Variants in FRY observed in about 807,000 individuals in gnomAD.
The protein encoded by FRY is protein furry homolog.
Under a neutral mutation model 348.4 loss-of-function variants are expected in FRY, and 128 were observed. That is an observed-to-expected ratio of 0.37 (90% CI 0.32 to 0.43). The LOEUF is 0.43. Ranked by LOEUF, FRY falls within the 20% of genes least tolerant of loss-of-function variation. The pLI is 1.00. For synonymous variants in FRY, 1,370 were observed against 1,374.7 expected (o/e 1.00, Z 0.08); for missense variants, 2,736 against 3,695.2 (o/e 0.74, Z 6.73).
intron 3 of FRY, among the ~76,000 whole-genome samples, chr13:32,103,868 G>C (rs1212847186): frequency 6.6e-6 from 1 of 152,092 alleles, no homozygotes; most frequent in African/African-American, 2.4e-5. Flanking sequence ...TCAGGATGCT[G>C]AGGTGGGAGG....
chr13:32,185,231 C>G, intron 26 of FRY, 83 bp downstream of exon 26: 1 of 1,219,418 alleles, frequency 8.2e-7, no homozygotes, highest in Non-Finnish European at 1.2e-6. Context: ...CGTCTTTAAC[C>G]CTACTGGCCT....
intron 28 of FRY, among the ~76,000 whole-genome samples, chr13:32,191,670 AT>A (rs1194659319): frequency 2.0e-5 from 3 of 152,162 alleles, no homozygotes; most frequent in African/African-American, 7.2e-5. Context: ...GTGCTGGCAG[AT>A]TTATGTCTGG....
chr13:32,234,154 G>T (rs1223009302), intron 41 of FRY, among the ~76,000 whole-genome samples: 1 of 149,064 alleles, frequency 6.7e-6, no homozygotes, highest in Non-Finnish European at 1.5e-5. Flanking sequence ...TGATGTGGTG[G>T]CTCATGCTTG....
At chr13:32,182,092 A>G (rs1882751504) in intron 23 of FRY, among the ~76,000 whole-genome samples, 2 of 152,200 alleles carry the variant, frequency 1.3e-5, no homozygotes, top group African/African-American at 4.8e-5. Context: ...GTGATGTTTA[A>G]TAGAACAAAA....
chr13:32,129,736 C>CT, intron 7 of FRY, among the ~76,000 whole-genome samples: 1 of 152,230 alleles, frequency 6.6e-6, no homozygotes, highest in East Asian at 1.9e-4. Context: ...TTTTAAAAAT[C>CT]TTTTTTATTA....
Position 32,296,613 on chromosome 13 carries a change from T to TAA in FRY, c.*1167_*1168dup, listed in dbSNP as rs34492846. 8.2e-4 allele frequency: 118 copies of TAA among 144,206 alleles called. 1 individual carries two copies. The highest frequency in any genetic ancestry group is 2.2e-3 in the East Asian group (11 of 4,996). 8.9% of individuals were successfully genotyped at this position (144,206 alleles called of 1,614,324 possible). ...ATTCTGTTCAGAACTTTCTTTAGAC[T>TAA]AAAAAAAAAAAAAAAGACAAAATAC... On this transcript the variant is annotated 3_prime_UTR_variant, in exon 61 of 61. Transcript: ENST00000542859.
Position 32,225,913 on chromosome 13 carries a change from G to A in FRY, c.5145G>A (p.Glu1715=). 1 of 1,614,170 alleles carries A rather than the reference G, an allele frequency of 6.2e-7. No individual in the cohort carries two copies. The highest frequency in any genetic ancestry group is 8.5e-7 in the Non-Finnish European group (1 of 1,179,994). The change falls in exon 39 of 61, where the codon GAG becomes GAA. Residue 1715 remains glutamate, a synonymous_variant. Transcript: ENST00000542859. ...SIASVLLQTR[E]MGEAKTLTVQ... is the part of the protein sequence containing the mutation. Reference sequence around the variant, plus strand: ...CTTCCGTGCTCCTGCAGACCCGAGAGATGGGTGAAGCTAAGACTCTAACCG... The same window carrying A: ...CTTCCGTGCTCCTGCAGACCCGAGAAATGGGTGAAGCTAAGACTCTAACCG...
At position 32,295,908 on chromosome 13, in the gene FRY, TCTTTTTC is replaced by T. The variant is rs1295512764; in HGVS notation, c.*453_*459del. Reference sequence around the variant, plus strand: ...CCATTTTCTTTTCTTTTTTCTTTTTTCTTTTTCCTTTCTTTCGTGGGCTGAGAAAGGG... The same window carrying T: ...CCATTTTCTTTTCTTTTTTCTTTTTTCTTTCTTTCGTGGGCTGAGAAAGGG... On this transcript the variant is annotated 3_prime_UTR_variant, in exon 61 of 61. Coordinates refer to ENST00000542859, the MANE Select transcript of FRY (RefSeq NM_023037.3). 5 of 172,638 alleles carry T rather than the reference TCTTTTTC, an allele frequency of 2.9e-5. No homozygotes were observed. The highest frequency in any genetic ancestry group is 6.3e-5 in the Non-Finnish European group (5 of 79,450). The allele number at this position is 172,638 out of a possible 1,614,324, so 10.7% of individuals were successfully genotyped here. A position where few individuals can be genotyped will look rare whatever the true frequency, so the allele number is the denominator to read the frequency against.
intron 8 of FRY, among the ~76,000 whole-genome samples, chr13:32,133,055 T>TGCA (rs1377528918): frequency 5.9e-5 from 9 of 152,182 alleles, no homozygotes; most frequent in Non-Finnish European, 8.8e-5. Flanking sequence ...ATAGGGAGGT[T>TGCA]GCAGATGGCT....
chr13:32,249,731 C>T, intron 49 of FRY, 44 bp downstream of exon 49: 11 of 1,567,760 alleles, frequency 7.0e-6, no homozygotes, highest in Non-Finnish European at 8.8e-6. Flanking sequence ...AGTTTAGGGA[C>T]CTGTTGAGTC....
chr13:32,147,351 C>A lies in FRY; in HGVS notation c.1249C>A (p.Arg417=), dbSNP rs1229819218. 1.2e-6 allele frequency: 2 copies of A among 1,610,210 alleles called. No individual in the cohort carries two copies. Among genetic ancestry groups the A allele is most frequent in the Non-Finnish European group, 8.5e-7 (1 of 1,176,676 alleles). Reference sequence around the variant, plus strand: ...CAGATTACTTTGGGTTTACATGATTCGAATTAAATGTGAAAGCAACACAGC... The same window carrying A: ...CAGATTACTTTGGGTTTACATGATTAGAATTAAATGTGAAAGCAACACAGC... ...LYRLLWVYMI[R]IKCESNTATQ... Residue 417 remains arginine (R), a synonymous_variant, in exon 12 of 61, where the codon CGA becomes AGA. Transcript: ENST00000542859.
At position 32,251,966 on chromosome 13, in the gene FRY, T is replaced by C; in HGVS notation, c.7245+14T>C. The C allele has an allele frequency of 6.4e-7, 1 of 1,567,552 alleles. No individual in the cohort carries two copies. Among genetic ancestry groups the C allele is most frequent in the Non-Finnish European group, 8.8e-7 (1 of 1,137,488 alleles). On this transcript the variant is annotated intron_variant, in intron 50 of 60. Coordinates refer to ENST00000542859, the MANE Select transcript of FRY (RefSeq NM_023037.3). ...AAAAATCCATCAGTAAGTTCTGTCA[T>C]GTGTCATAGTTATTTTGGTGTCATA...
At chr13:32,216,488 T>C (rs779911320) in intron 35 of FRY, among the ~76,000 whole-genome samples, 2 of 152,176 alleles carry the variant, frequency 1.3e-5, no homozygotes, top group South Asian at 2.1e-4. Context: ...ATCCATCCTG[T>C]AGTTCTTCCG....
At chr13:32,112,458 T>C (rs1413796134) in intron 3 of FRY, among the ~76,000 whole-genome samples, 2 of 152,160 alleles carry the variant, frequency 1.3e-5, no homozygotes, top group Admixed American at 1.3e-4. Flanking sequence ...GAGGCAGAGT[T>C]GTAACTTGAA....
intron 1 of FRY, among the ~76,000 whole-genome samples, chr13:32,053,759 G>T (rs1873468260): frequency 1.3e-5 from 2 of 152,300 alleles, no homozygotes; most frequent in Middle Eastern, 3.4e-3. Flanking sequence ...GGTGAAATAT[G>T]GAAAAACACA....
chr13:32,222,953 G>A (rs1194706911), intron 36 of FRY, among the ~76,000 whole-genome samples: 3 of 152,052 alleles, frequency 2.0e-5, no homozygotes, highest in Non-Finnish European at 4.4e-5. Context: ...CTGGAAATAT[G>A]AAATTGTGCT....
intron 2 of FRY, among the ~76,000 whole-genome samples, chr13:32,099,855 C>A (rs1243644524): frequency 6.6e-6 from 1 of 151,840 alleles, no homozygotes; most frequent in African/African-American, 2.4e-5. Context: ...TTAAGGCTTC[C>A]TAATGTAAAC....
At chr13:32,101,621 G>T (rs569171731) in intron 2 of FRY, among the ~76,000 whole-genome samples, 2 of 152,036 alleles carry the variant, frequency 1.3e-5, no homozygotes, top group South Asian at 4.1e-4. Flanking sequence ...CTACATGTTT[G>T]CCAACATTTA....
intron 2 of FRY, among the ~76,000 whole-genome samples, chr13:32,098,351 C>T (rs918670380): frequency 1.3e-5 from 2 of 152,030 alleles, no homozygotes; most frequent in African/African-American, 4.8e-5. Flanking sequence ...GCATGTCAGG[C>T]GAGCCATGCT....
Sources: gnomAD v4.1 joint callset for allele counts (sites outside exome capture counted in the v4.1 genomes callset) on GRCh38, gnomAD v4.1.1 for gene constraint, MANE v1.5 for transcripts, NCBI Gene and HGNC (gene_info 2026-07-23, HGNC 2026-07-21) for gene names.